The following PIK3CB variants were observed in gnomAD, a reference collection of about 807,000 sequenced individuals.
PIK3CB encodes the protein phosphatidylinositol-4,5-bisphosphate 3-kinase catalytic subunit beta, also known as phosphatidylinositol 4,5-bisphosphate 3-kinase catalytic subunit beta isoform.
Under a neutral mutation model 136.8 loss-of-function variants are expected in PIK3CB, and 39 were observed. The observed-to-expected ratio is 0.29, with a 90% CI of 0.22 to 0.37. The LOEUF (loss-of-function observed/expected upper bound fraction) is 0.37. Among genes scored for constraint, PIK3CB ranks in the 10% least tolerant of loss-of-function variants. PIK3CB has a pLI of 1.00. For missense variants in PIK3CB, 868 were observed against 1,275.4 expected (o/e 0.68, Z 4.87); for synonymous variants, 428 against 436.6 (o/e 0.98, Z 0.25).
chr3:138,726,671 ATCT>A (rs1377528551), intron 8 of PIK3CB, among the ~76,000 whole-genome samples: 15 of 152,178 alleles, frequency 9.9e-5, no homozygotes, highest in Admixed American at 9.8e-4. Flanking sequence ...AAATAATGTC[ATCT>A]TCTAGACTTT....
intron 1 of PIK3CB, among the ~76,000 whole-genome samples, chr3:138,833,257 G>C (rs1034007084): frequency 6.6e-6 from 1 of 151,656 alleles, no homozygotes; most frequent in African/African-American, 2.4e-5. Context: ...GGTAGAGACG[G>C]GGTTTCACCA....
chr3:138,783,136 T>C (rs1363982538), intron 2 of PIK3CB, among the ~76,000 whole-genome samples: 1 of 152,216 alleles, frequency 6.6e-6, no homozygotes, highest in African/African-American at 2.4e-5. Context: ...CTCTGCACAA[T>C]GCATTTTAAA....
chr3:138,673,426 C>A (rs1342504132), intron 19 of PIK3CB, among the ~76,000 whole-genome samples: 5 of 152,090 alleles, frequency 3.3e-5, no homozygotes, highest in African/African-American at 4.8e-5. Context: ...ACATTACTTA[C>A]AAAGAACCGA....
intron 9 of PIK3CB, among the ~76,000 whole-genome samples, 156 bp from the exon 10 acceptor site, chr3:138,712,460 G>A (rs2044522233): frequency 6.6e-6 from 1 of 151,990 alleles, no homozygotes; most frequent in South Asian, 2.1e-4. Context: ...ATAGAAAAAT[G>A]CTCACTATCT....
intron 8 of PIK3CB, among the ~76,000 whole-genome samples, chr3:138,717,785 G>A (rs562098790): frequency 3.3e-4 from 50 of 152,212 alleles, no homozygotes; most frequent in African/African-American, 1.1e-3. Flanking sequence ...AGAACATGCG[G>A]CATTTGGTTT....
At chr3:138,709,078 T>C (rs2044440201) in intron 10 of PIK3CB, among the ~76,000 whole-genome samples, 1 of 148,978 alleles carries the variant, frequency 6.7e-6, no homozygotes, top group Non-Finnish European at 1.5e-5. Context: ...CCACCATATG[T>C]GGCAAAAAAA....
At chr3:138,777,501 C>A (rs866680223) in intron 2 of PIK3CB, among the ~76,000 whole-genome samples, 10 of 152,156 alleles carry the variant, frequency 6.6e-5, no homozygotes, top group African/African-American at 2.4e-4. Flanking sequence ...AGTGAAGAAG[C>A]CTTCAATGAC....
chr3:138,693,804 CAG>C (rs1262980620), intron 14 of PIK3CB, among the ~76,000 whole-genome samples: 1 of 150,852 alleles, frequency 6.6e-6, no homozygotes, highest in Non-Finnish European at 1.5e-5. Context: ...ATATATGAAA[CAG>C]AAAAATGTGA....
intron 10 of PIK3CB, among the ~76,000 whole-genome samples, chr3:138,708,263 C>CTTTTT (rs61178842): frequency 4.8e-4 from 52 of 108,718 alleles, no homozygotes; most frequent in East Asian, 2.5e-3. Flanking sequence ...TTTTCTTTTT[C>CTTTTT]TTTTTTTTTT....
intron 12 of PIK3CB, among the ~76,000 whole-genome samples, chr3:138,699,656 A>G (rs2044207492): frequency 6.6e-6 from 1 of 152,234 alleles, no homozygotes; most frequent in Admixed American, 6.5e-5. Context: ...CAAATATGAA[A>G]AGACAAAGAC....
chr3:138,784,116 G>A (rs189463436), intron 2 of PIK3CB, among the ~76,000 whole-genome samples: 1 of 152,294 alleles, frequency 6.6e-6, no homozygotes, highest in East Asian at 1.9e-4. Flanking sequence ...TCCGGGCCAG[G>A]CACAGTGGCT....
intron 21 of PIK3CB, among the ~76,000 whole-genome samples, chr3:138,658,167 G>C (rs921062278): frequency 3.9e-5 from 6 of 152,268 alleles, no homozygotes; most frequent in Non-Finnish European, 7.3e-5. Flanking sequence ...AAAGAGTACA[G>C]GTTGGTTGTG....
At chr3:138,710,422 CAAAGCCATGAATTAAA>C (rs1436076215) in intron 10 of PIK3CB, among the ~76,000 whole-genome samples, 6 of 152,030 alleles carry the variant, frequency 3.9e-5, no homozygotes, top group Non-Finnish European at 7.4e-5. Context: ...ATGTCACTTA[CAAAGCCATGAATTAAA>C]AAATTCAAAT....
At chr3:138,783,819 TAAAC>T (rs940599388) in intron 2 of PIK3CB, among the ~76,000 whole-genome samples, 1 of 151,630 alleles carries the variant, frequency 6.6e-6, no homozygotes, top group Non-Finnish European at 1.5e-5. Context: ...AATGATAAAA[TAAAC>T]AACTTTTGAA....
At chr3:138,712,404 C>G (rs2044521273) in intron 9 of PIK3CB, 100 bp from the exon 10 acceptor site, 1 of 486,700 alleles carries the variant, frequency 2.1e-6, no homozygotes, top group Non-Finnish European at 3.6e-6. Flanking sequence ...CTAGAAAGTT[C>G]TGGATGATTT....
intron 1 of PIK3CB, among the ~76,000 whole-genome samples, chr3:138,802,559 AAG>A (rs1370660981): frequency 6.6e-6 from 1 of 151,836 alleles, no homozygotes; most frequent in Non-Finnish European, 1.5e-5. Flanking sequence ...GAAAAAAAAA[AAG>A]AGAGAAAAAA....
chr3:138,770,518 G>A, intron 2 of PIK3CB: 1 of 151,898 alleles, frequency 6.6e-6, no homozygotes, highest in Non-Finnish European at 1.5e-5. Flanking sequence ...GACCATCCTG[G>A]CTAACACAGT....
chr3:138,754,719 C>T (rs924239944), intron 4 of PIK3CB, among the ~76,000 whole-genome samples: 1 of 152,110 alleles, frequency 6.6e-6, no homozygotes, highest in Non-Finnish European at 1.5e-5. Context: ...GGAGTAGTCC[C>T]ACAGTATAAT....
rs138624941 is a variant in PIK3CB, at chr3:138,803,701, T to C, written c.-121-7134A>G. On this transcript the variant is annotated intron_variant, in intron 1 of 23. Transcript: ENST00000674063. The stretch of plus-strand genomic sequence containing the variant: ...AGGCTCAGGTGTGGAGGGAAAATTC[T>C]ATGCTGAGTTTTACCATGAAGGCAC... 8.9e-3 allele frequency among the ~76,000 whole-genome samples: 1,355 copies of C among 152,320 alleles called. 13 individuals are homozygous for C. Among genetic ancestry groups the C allele is most frequent in the Non-Finnish European group, 0.014 (934 of 68,024 alleles).
Sources: gnomAD v4.1 joint callset for allele counts (sites outside exome capture counted in the v4.1 genomes callset) on GRCh38, gnomAD v4.1.1 for gene constraint, MANE v1.5 for transcripts, NCBI Gene and HGNC (gene_info 2026-07-23, HGNC 2026-07-21) for gene names.